The following NPR3 variants were observed in gnomAD, a reference collection of about 807,000 sequenced individuals.
The protein encoded by NPR3 is atrial natriuretic peptide receptor 3.
Under a neutral mutation model 54.5 loss-of-function variants are expected in NPR3, and 34 were observed. That is an observed-to-expected ratio of 0.62 (90% confidence interval 0.47 to 0.83). NPR3 has a LOEUF of 0.83. Ranked by LOEUF, NPR3 falls within the 40% of genes least tolerant of loss-of-function variation. The pLI, the probability that NPR3 is intolerant of heterozygous loss-of-function variation, is 0.00. For synonymous variants in NPR3, 289 were observed against 297.1 expected, an observed-to-expected ratio of 0.97 and a Z score of 0.28; for missense variants, 674 against 720.8, an observed-to-expected ratio of 0.94 and a Z score of 0.74.
At chr5:32,697,226 A>C (rs1194563436) in intron 1 of NPR3, among the ~76,000 whole-genome samples, 1 of 152,094 alleles carries the variant, frequency 6.6e-6, no homozygotes, top group African/African-American at 2.4e-5. Context: ...TTTCAGCATC[A>C]ATTGAAATGA....
chr5:32,752,097 G>A (rs577660422), intron 3 of NPR3, among the ~76,000 whole-genome samples: 3 of 152,076 alleles, frequency 2.0e-5, no homozygotes, highest in Non-Finnish European at 4.4e-5. Context: ...CCAGCTACTC[G>A]GGAGGCTGAG....
At chr5:32,691,416 A>G (rs1740385837) in intron 1 of NPR3, among the ~76,000 whole-genome samples, 1 of 152,244 alleles carries the variant, frequency 6.6e-6, no homozygotes, top group African/African-American at 2.4e-5. Flanking sequence ...TGTTTGGACC[A>G]GAAGAGGTGG....
chr5:32,741,832 C>T (rs981453514), intron 3 of NPR3, among the ~76,000 whole-genome samples: 1 of 151,058 alleles, frequency 6.6e-6, no homozygotes, highest in African/African-American at 2.4e-5. Context: ...CTCAAGGGAT[C>T]CTCCTGCCTT....
At chr5:32,703,692 G>T (rs1428403842) in intron 1 of NPR3, among the ~76,000 whole-genome samples, 1 of 152,154 alleles carries the variant, frequency 6.6e-6, no homozygotes, top group Admixed American at 6.5e-5. Context: ...ACTCCTTTTG[G>T]TGGCCTATCC....
intron 1 of NPR3, among the ~76,000 whole-genome samples, chr5:32,698,367 A>AT (rs113493564): frequency 1.6e-4 from 24 of 149,914 alleles, no homozygotes; most frequent in Admixed American, 6.0e-4. Flanking sequence ...ATATAATTTC[A>AT]TTTTTTTTTT....
intron 3 of NPR3, 41 bp from the exon 4 acceptor site, chr5:32,774,667 A>T: frequency 6.5e-7 from 1 of 1,538,200 alleles, no homozygotes; most frequent in East Asian, 2.2e-5. Context: ...GGCATGAGTC[A>T]CTTGGTGTTT....
chr5:32,740,548 C>A (rs2111952212), intron 3 of NPR3, among the ~76,000 whole-genome samples: 1 of 151,328 alleles, frequency 6.6e-6, no homozygotes, highest in South Asian at 2.1e-4. Context: ...TACAATGTGA[C>A]CCAAAAAAGT....
At chr5:32,740,727 A>T (rs1287023919) in intron 3 of NPR3, among the ~76,000 whole-genome samples, 2 of 152,202 alleles carry the variant, frequency 1.3e-5, no homozygotes, top group Non-Finnish European at 2.9e-5. Context: ...TATTTCTTGT[A>T]CTATGTCTTG....
Position 32,788,785 on chromosome 5 carries a change from G to T in NPR3, c.*2440G>T, listed in dbSNP as rs1742759069. 1 of 152,114 alleles carries T rather than the reference G, an allele frequency of 6.6e-6. No individual in the cohort carries two copies. The highest frequency in any genetic ancestry group is 2.1e-4 in the South Asian group (1 of 4,822). 9.4% of individuals were successfully genotyped at this position (152,114 alleles called of 1,614,324 possible). A position where few individuals can be genotyped will look rare whatever the true frequency, so the allele number is the denominator to read the frequency against. On this transcript the variant is annotated 3_prime_UTR_variant, in exon 8 of 8. Coordinates refer to ENST00000265074, the MANE Select transcript of NPR3 (RefSeq NM_001204375.2). ...TGGCAGAACAAATCATGAGGTTTCT[G>T]GATGCTATACCAATTTAAAATCAAT...
In NPR3 at chr5:32,735,556, G is replaced by A. The variant is rs114246128; in HGVS notation, c.893-3308G>A. ...GAACCATTTTTAGCTTTTTTGGTGT[G>A]ACTTCCCACATATAACCTTCCCTAA... On this transcript the variant is annotated intron_variant, in intron 2 of 7. Coordinates refer to ENST00000265074, the MANE Select transcript of NPR3 (RefSeq NM_001204375.2). Among the ~76,000 whole-genome samples, 567 of 150,590 alleles carry A rather than the reference G, an allele frequency of 3.8e-3. 3 individuals carry two copies. The highest frequency in any genetic ancestry group is 0.013 in the African/African-American group (548 of 41,018).
At chr5:32,734,325 T>G (rs1437284700) in intron 2 of NPR3, among the ~76,000 whole-genome samples, 2 of 152,202 alleles carry the variant, frequency 1.3e-5, no homozygotes, top group Non-Finnish European at 2.9e-5. Flanking sequence ...TTCTGTGATG[T>G]CTCAGCCACT....
At chr5:32,770,420 A>C (rs1741694381) in intron 3 of NPR3, among the ~76,000 whole-genome samples, 1 of 151,028 alleles carries the variant, frequency 6.6e-6, no homozygotes, top group African/African-American at 2.4e-5. Context: ...ACAAAGTGAG[A>C]CTCTGTTTCA....
chr5:32,782,310 G>C (rs1381058168), intron 5 of NPR3, among the ~76,000 whole-genome samples: 1 of 152,098 alleles, frequency 6.6e-6, no homozygotes, highest in African/African-American at 2.4e-5. Flanking sequence ...CTGGGTACCT[G>C]TCATATGCTT....
In NPR3 at chr5:32,718,239, G is replaced by T. The variant is rs187731768; in HGVS notation, c.769+5694G>T. 2.4e-3 allele frequency among the ~76,000 whole-genome samples: 367 copies of T among 152,290 alleles called. 1 individual carries two copies. The Middle Eastern group carries it at 0.027, about 11-fold the overall frequency. ...CTGGTGCCATGCTGTTTTGGTTACT[G>T]TAGCCTTGTAGTATAGTTTGAAGTC... On this transcript the variant is annotated intron_variant, in intron 1 of 7. Coordinates refer to ENST00000265074, the MANE Select transcript of NPR3 (RefSeq NM_001204375.2).
At chr5:32,742,776 T>C (rs1245303947) in intron 3 of NPR3, among the ~76,000 whole-genome samples, 1 of 152,174 alleles carries the variant, frequency 6.6e-6, no homozygotes, top group African/African-American at 2.4e-5. Context: ...GTGAAGTTTT[T>C]TTCTTTGGCA....
intron 3 of NPR3, among the ~76,000 whole-genome samples, chr5:32,773,531 C>T (rs149163690): frequency 2.8e-4 from 43 of 152,246 alleles, no homozygotes; most frequent in African/African-American, 9.6e-4. Context: ...AACATTTGCA[C>T]TTCCCAAAAT....
chr5:32,722,342 A>G (rs894131512), intron 1 of NPR3, among the ~76,000 whole-genome samples: 1 of 152,100 alleles, frequency 6.6e-6, no homozygotes, highest in Non-Finnish European at 1.5e-5. Context: ...TTTCATCCTT[A>G]CTTGCATCCT....
chr5:32,707,241 C>T (rs961279623), upstream of NPR3, among the ~76,000 whole-genome samples: 3 of 151,996 alleles, frequency 2.0e-5, no homozygotes, highest in African/African-American at 4.8e-5. Context: ...TTCAAAAGAA[C>T]CCCTTAAGGT....
upstream of NPR3, among the ~76,000 whole-genome samples, chr5:32,705,302 G>A (rs1020786746): frequency 2.6e-5 from 4 of 152,160 alleles, no homozygotes; most frequent in African/African-American, 9.7e-5. Flanking sequence ...ATCAAGTTTT[G>A]AGAAAAAACA....
Sources: allele counts gnomAD v4.1 joint callset (sites outside exome capture counted in the v4.1 genomes callset), GRCh38; gene constraint gnomAD v4.1.1; transcripts MANE v1.5; gene names NCBI Gene and HGNC (gene_info 2026-07-23, HGNC 2026-07-21).